CENPO: variants seen among roughly 807,000 people sequenced by gnomAD.
The protein encoded by CENPO is centromere protein O, also known as centromeric protein O.
In CENPO, 30 loss-of-function variants were observed where a neutral mutation model predicts 36.1. The ratio of observed to expected loss-of-function variants is 0.83; its 90% CI spans 0.62 to 1.13. CENPO has a LOEUF of 1.13. Ranked by LOEUF, CENPO falls within the 50% of genes most tolerant of loss-of-function variation. The probability of loss-of-function intolerance (pLI) is 0.00; values close to 1 mark genes in which losing one functional copy is unlikely to be tolerated. For synonymous variants in CENPO, 171 were observed against 142.3 expected (o/e 1.20, Z -1.44); for missense variants, 349 against 357.8 (o/e 0.98, Z 0.20).
intron 2 of CENPO, among the ~76,000 whole-genome samples, chr2:24,795,015 T>G (rs1235908809): frequency 6.6e-6 from 1 of 152,220 alleles, no homozygotes; most frequent in Non-Finnish European, 1.5e-5. Context: ...GCTGAGACTT[T>G]AGATAATAAA....
intron 3 of CENPO, among the ~76,000 whole-genome samples, chr2:24,812,902 G>GTTTTTTTTTTTTTTTTTTTTTTTTTTTT: frequency 9.5e-6 from 1 of 105,702 alleles, no homozygotes; most frequent in Non-Finnish European, 1.9e-5. Flanking sequence ...TATGCCTGTA[G>GTTTTTTTTTTTTTTTTTTTTTTTTTTTT]TTTTTTTTTT....
chr2:24,817,156 C>G (rs538622565), intron 6 of CENPO, among the ~76,000 whole-genome samples: 45 of 152,258 alleles, frequency 3.0e-4, no homozygotes, highest in Admixed American at 7.2e-4. Flanking sequence ...GTGGATGGAG[C>G]CAGAAGACTC....
At chr2:24,800,065 G>A (rs983563908) in intron 3 of CENPO, among the ~76,000 whole-genome samples, 18 of 152,268 alleles carry the variant, frequency 1.2e-4, no homozygotes, top group Middle Eastern at 3.4e-3. Flanking sequence ...CAGGCCTATC[G>A]CCTGTGGTCA....
intron 3 of CENPO, among the ~76,000 whole-genome samples, chr2:24,800,756 T>C (rs1666124825): frequency 6.6e-6 from 1 of 152,198 alleles, no homozygotes; most frequent in African/African-American, 2.4e-5. Context: ...TTCCAAGTCT[T>C]TGCTATTGTG....
chr2:24,815,728 G>A lies in CENPO; in HGVS notation c.566G>A (p.Gly189Glu), dbSNP rs376487868. The change falls in exon 5 of 8, where the codon GGG becomes GAG. Residue 189 changes from glycine to glutamate, a missense_variant. Transcript: ENST00000380834. ...SLCEYLNAYS[G>E]RKYQADRLQS... is the part of the protein sequence containing the mutation. ...TGCGAGTACCTGAATGCTTACTCTGGGAGGAAGTACCAGGCAGACCGGCTT... is the reference window on the plus strand; with the variant it reads ...TGCGAGTACCTGAATGCTTACTCTGAGAGGAAGTACCAGGCAGACCGGCTT... The A allele has an allele frequency of 1.9e-6, 3 of 1,613,992 alleles. No homozygotes were observed. The highest frequency in any genetic ancestry group is 1.3e-5 in the African/African-American group (1 of 74,880).
chr2:24,810,623 T>C (rs1220835120), intron 3 of CENPO, among the ~76,000 whole-genome samples: 1 of 150,414 alleles, frequency 6.6e-6, no homozygotes, highest in Non-Finnish European at 1.5e-5. Context: ...TTCTCGTGCC[T>C]CAGCCTCCCA....
At chr2:24,814,237 A>G in intron 3 of CENPO, 139 bp from the exon 4 acceptor site, 1 of 675,434 alleles carries the variant, frequency 1.5e-6, no homozygotes, top group Non-Finnish European at 2.7e-6. Flanking sequence ...AATTCATAGC[A>G]ATAACTGACC....
intron 2 of CENPO, among the ~76,000 whole-genome samples, chr2:24,795,031 A>G (rs1300248234): frequency 2.6e-5 from 4 of 152,334 alleles, no homozygotes; most frequent in African/African-American, 9.6e-5. Context: ...ATAAAAGTAT[A>G]TGGGGTAAGA....
rs2148287716 is a variant in CENPO, at chr2:24,814,716, C to T, written c.334+223C>T. 7.7e-6 allele frequency: 4 copies of T among 522,132 alleles called. 1 individual carries two copies. The Admixed American group carries it at 1.3e-4, about 17-fold the overall frequency. 32.3% of individuals were successfully genotyped at this position (522,132 alleles called of 1,614,324 possible). A position where few individuals can be genotyped will look rare whatever the true frequency, so the allele number is the denominator to read the frequency against. ...ATTGACTGGCCCCTTTGTACAGCAGCTCAGTTGGTGGCTGGCTTATTCCAC... is the reference window on the plus strand; with the variant it reads ...ATTGACTGGCCCCTTTGTACAGCAGTTCAGTTGGTGGCTGGCTTATTCCAC... On this transcript the variant is annotated intron_variant, in intron 4 of 7. Transcript: ENST00000380834.
rs541666769 is a variant in CENPO at position 24,817,900 on chromosome 2, A to G, written c.*35+59A>G. The G allele has an allele frequency of 1.8e-4, 257 of 1,393,176 alleles. 1 individual carries two copies. The African/African-American group carries it at 2.1e-3, about 12-fold the overall frequency. 86.3% of individuals were successfully genotyped at this position (1,393,176 alleles called of 1,614,324 possible). On this transcript the variant is annotated intron_variant, in intron 7 of 7. Transcript: ENST00000380834. ...GGTAGTACTGTCTGATGAAGGGTAC[A>G]TCACCCTTCTGATGAAAACAGACAC...
intron 3 of CENPO, among the ~76,000 whole-genome samples, chr2:24,804,080 G>C (rs1209265019): frequency 6.6e-6 from 1 of 152,198 alleles, no homozygotes; most frequent in African/African-American, 2.4e-5. Flanking sequence ...TTACCATTAT[G>C]TAATGGTCTT....
At chr2:24,812,791 T>C (rs1666755288) in intron 3 of CENPO, among the ~76,000 whole-genome samples, 1 of 152,138 alleles carries the variant, frequency 6.6e-6, no homozygotes, top group Non-Finnish European at 1.5e-5. Context: ...TAGCCTGTTT[T>C]AATGGCCATG....
At position 24,817,724 on chromosome 2, in the gene CENPO, T is replaced by C. The variant is rs377181753; in HGVS notation, c.821T>C (p.Leu274Pro). 1.9e-6 allele frequency: 3 copies of C among 1,614,136 alleles called. No homozygotes were observed. Among genetic ancestry groups the C allele is most frequent in the Non-Finnish European group, 2.5e-6 (3 of 1,180,042 alleles). The change falls in exon 7 of 8, where the codon CTG (leucine) becomes CCG (proline). Residue 274 changes from leucine to proline, a missense_variant. Leu to Pro is a moderately conservative substitution (Grantham distance 98). Transcript: ENST00000380834. ...GAGCAACGAGCATCTCATGAAACTC[T>C]GTTCTGTACGAAGCCCTTGCATCAA... The part of the protein sequence containing the change: ...WEEQRASHET[L>P]FCTKPLHQVF...
At chr2:24,802,953 G>A (rs1314515833) in intron 3 of CENPO, among the ~76,000 whole-genome samples, 2 of 152,092 alleles carry the variant, frequency 1.3e-5, no homozygotes, top group Non-Finnish European at 2.9e-5. Context: ...GAATCTATCT[G>A]GTCTTGGACT....
At position 24,802,302 on chromosome 2, in the gene CENPO, A is replaced by G. The variant is rs1231298941; in HGVS notation, c.216+2458A>G. ...GGACAATTTGACTTCCTCTTTTCCT[A>G]ATTGAATACCCTTTATTTCCTTCTC... On this transcript the variant is annotated intron_variant, in intron 3 of 7. Transcript: ENST00000380834. Among the ~76,000 whole-genome samples the G allele has an allele frequency of 6.6e-5, 10 of 152,044 alleles. No individual in the cohort carries two copies. In the East Asian group the frequency reaches 1.7e-3, roughly 26 times the overall value.
At chr2:24,800,445 T>G (rs541249139) in intron 3 of CENPO, among the ~76,000 whole-genome samples, 2 of 151,934 alleles carry the variant, frequency 1.3e-5, no homozygotes, top group Non-Finnish European at 2.9e-5. Flanking sequence ...CATTTAACAT[T>G]AGGTGTATCT....
At position 24,822,044 on chromosome 2, in the gene CENPO, A is replaced by C. The variant is rs753178115; in HGVS notation, c.*2726A>C. ...CTCATCCATATAATAGGGCCGTGGG[A>C]TGGTTGTAGAGGTAAAGCAGGATGA... On this transcript the variant is annotated 3_prime_UTR_variant, in exon 8 of 8. Coordinates refer to ENST00000380834, the MANE Select transcript of CENPO (RefSeq NM_001322101.2). The C allele has an allele frequency of 8.9e-5, 18 of 203,030 alleles. 1 individual carries two copies. The highest frequency in any genetic ancestry group is 1.6e-4 in the Non-Finnish European group (16 of 100,264). 12.6% of individuals were successfully genotyped at this position (203,030 alleles called of 1,614,324 possible).
At chr2:24,818,123 A>G (rs72792174) in intron 7 of CENPO, among the ~76,000 whole-genome samples, 6,307 of 148,058 alleles carry the variant, frequency 0.043, 225 homozygotes, top group East Asian at 0.18. Context: ...CTCAAGAAGT[A>G]CTTATGGAAA....
In CENPO at chr2:24,821,116, T is replaced by G; in HGVS notation, c.*1798T>G. On this transcript the variant is annotated 3_prime_UTR_variant, in exon 8 of 8. Coordinates refer to ENST00000380834, the MANE Select transcript of CENPO (RefSeq NM_001322101.2). ...CTTCTAACACAGCTGGTATTTCAAG[T>G]CTCCTGGGACCTCACTCAGGAATGA... 2.1e-6 allele frequency: 1 copy of G among 475,128 alleles called. No homozygotes were observed. 29.4% of individuals were successfully genotyped at this position (475,128 alleles called of 1,614,324 possible). A position where few individuals can be genotyped will look rare whatever the true frequency, so the allele number is the denominator to read the frequency against.
Sources: gnomAD v4.1 joint callset for allele counts (sites outside exome capture counted in the v4.1 genomes callset) on GRCh38, gnomAD v4.1.1 for gene constraint, MANE v1.5 for transcripts, NCBI Gene and HGNC (gene_info 2026-07-23, HGNC 2026-07-21) for gene names.